The following XPO4 variants were observed in gnomAD, a reference collection of about 807,000 sequenced individuals.
The protein encoded by XPO4 is exportin-4.
A neutral mutation model predicts 143.0 loss-of-function variants in XPO4; 39 were observed. That is an observed-to-expected ratio of 0.27 (90% CI 0.21 to 0.36). XPO4 has a LOEUF of 0.36. Ranked by LOEUF, XPO4 falls within the 10% of genes least tolerant of loss-of-function variation. The pLI, the probability that XPO4 is intolerant of heterozygous loss-of-function variation, is 1.00. For missense variants in XPO4, 907 were observed against 1,348.0 expected (o/e 0.67, Z 5.12); for synonymous variants, 439 against 474.0 (o/e 0.93, Z 0.96).
intron 18 of XPO4, 98 bp downstream of exon 18, chr13:20,795,978 G>T: frequency 7.9e-7 from 1 of 1,273,064 alleles, no homozygotes; most frequent in Admixed American, 2.3e-5. Flanking sequence ...TCCATAAATT[G>T]AATTTCCTCA....
At position 20,787,466 on chromosome 13, in the gene XPO4, G is replaced by A. The variant is rs374950896; in HGVS notation, c.3165+15C>T. The A allele has an allele frequency of 1.8e-5, 29 of 1,609,148 alleles. No individual in the cohort carries two copies. Among genetic ancestry groups the A allele is most frequent in the Middle Eastern group, 1.6e-4 (1 of 6,078 alleles). On this transcript the variant is annotated intron_variant, in intron 21 of 22. Coordinates refer to ENST00000255305, the MANE Select transcript of XPO4 (RefSeq NM_022459.5). ...AAAGTAGCTGATTTTCTGACCTACC[G>A]CACAGACATCTTACCTTAAGAAAGT...
intron 9 of XPO4, among the ~76,000 whole-genome samples, chr13:20,810,298 T>G (rs1188317765): frequency 2.0e-5 from 3 of 152,322 alleles, no homozygotes; most frequent in African/African-American, 7.2e-5. Context: ...AAAATGGTTT[T>G]AGAGAAACTG....
intron 4 of XPO4, among the ~76,000 whole-genome samples, chr13:20,844,660 C>T (rs2060012315): frequency 6.6e-6 from 1 of 152,188 alleles, no homozygotes; most frequent in East Asian, 1.9e-4. Flanking sequence ...TCATACCCAC[C>T]CACCAACTGC....
intron 2 of XPO4, among the ~76,000 whole-genome samples, chr13:20,867,018 C>T (rs1002324997): frequency 6.6e-6 from 1 of 152,142 alleles, no homozygotes; most frequent in Non-Finnish European, 1.5e-5. Flanking sequence ...TTTAACACAA[C>T]GGTTTTCTAA....
At chr13:20,873,979 T>C (rs1566619989) in intron 1 of XPO4, among the ~76,000 whole-genome samples, 2 of 152,204 alleles carry the variant, frequency 1.3e-5, no homozygotes, top group African/African-American at 2.4e-5. Context: ...TTCCCCTCTT[T>C]TACATCTGGA....
At chr13:20,880,253 G>A (rs889231381) in intron 1 of XPO4, among the ~76,000 whole-genome samples, 8 of 152,024 alleles carry the variant, frequency 5.3e-5, no homozygotes, top group African/African-American at 1.7e-4. Flanking sequence ...CCAAGATGGT[G>A]AAACCCCGTC....
At chr13:20,805,414 A>G (rs1473314139) in intron 13 of XPO4, among the ~76,000 whole-genome samples, 1 of 152,150 alleles carries the variant, frequency 6.6e-6, no homozygotes, top group Non-Finnish European at 1.5e-5. Flanking sequence ...CATCTCCTAA[A>G]AAATTCCACC....
intron 1 of XPO4, among the ~76,000 whole-genome samples, chr13:20,870,816 T>C (rs1566618295): frequency 6.6e-6 from 1 of 152,192 alleles, no homozygotes; most frequent in Non-Finnish European, 1.5e-5. Flanking sequence ...CTTTTTGTGT[T>C]TTTTGTCTGT....
At chr13:20,874,083 G>A (rs2060329205) in intron 1 of XPO4, among the ~76,000 whole-genome samples, 1 of 152,110 alleles carries the variant, frequency 6.6e-6, no homozygotes, top group South Asian at 2.1e-4. Context: ...TGACATTAAA[G>A]CCCATGCTTT....
At chr13:20,866,828 G>A (rs2138131141) in intron 2 of XPO4, among the ~76,000 whole-genome samples, 1 of 152,236 alleles carries the variant, frequency 6.6e-6, no homozygotes, top group East Asian at 1.9e-4. Flanking sequence ...AAAAAGGAAA[G>A]AATGGTATAA....
At chr13:20,872,558 T>C (rs372611553) in intron 1 of XPO4, among the ~76,000 whole-genome samples, 1 of 152,064 alleles carries the variant, frequency 6.6e-6, no homozygotes, top group Admixed American at 6.6e-5. Context: ...GATAGATACA[T>C]ACACAAGAAA....
At chr13:20,830,222 A>T (rs9506557) in intron 6 of XPO4, among the ~76,000 whole-genome samples, 55,526 of 151,988 alleles carry the variant, frequency 0.37, 11,600 homozygotes, top group Non-Finnish European at 0.48. Context: ...AATTCCTTAC[A>T]CGTGGCCACG....
chr13:20,811,865 C>G (rs887484668), intron 9 of XPO4, among the ~76,000 whole-genome samples: 1 of 152,130 alleles, frequency 6.6e-6, no homozygotes, highest in Admixed American at 6.5e-5. Context: ...ATGAAGGCCT[C>G]TTGGCCTTTC....
At chr13:20,891,049 G>A (rs1195493127) in intron 1 of XPO4, among the ~76,000 whole-genome samples, 1 of 149,118 alleles carries the variant, frequency 6.7e-6, no homozygotes, top group African/African-American at 2.5e-5. Context: ...TCCGAGAGGT[G>A]GAGGTTGCTG....
intron 16 of XPO4, among the ~76,000 whole-genome samples, chr13:20,797,939 CAGG>C (rs1275486323): frequency 4.6e-5 from 7 of 152,008 alleles, no homozygotes; most frequent in African/African-American, 1.7e-4. Flanking sequence ...CACTTGAGGT[CAGG>C]AGACCAGCCT....
At chr13:20,795,378 C>G (rs1444448296) in intron 18 of XPO4, among the ~76,000 whole-genome samples, 1 of 152,166 alleles carries the variant, frequency 6.6e-6, no homozygotes, top group Non-Finnish European at 1.5e-5. Flanking sequence ...TACTGATTGT[C>G]AGACACAATG....
At chr13:20,876,495 CAT>C (rs2060355010) in intron 1 of XPO4, among the ~76,000 whole-genome samples, 1 of 151,846 alleles carries the variant, frequency 6.6e-6, no homozygotes, top group East Asian at 1.9e-4. Context: ...TAAGGAAAAA[CAT>C]AAAAGTAGAC....
chr13:20,797,857 A>G (rs2059378655), intron 16 of XPO4, among the ~76,000 whole-genome samples: 1 of 152,186 alleles, frequency 6.6e-6, no homozygotes, highest in African/African-American at 2.4e-5. Flanking sequence ...AACTTATTTG[A>G]TAATAGAGTT....
chr13:20,858,948 A>G (rs1170685432), intron 3 of XPO4, among the ~76,000 whole-genome samples: 8 of 135,338 alleles, frequency 5.9e-5, no homozygotes, highest in Non-Finnish European at 8.0e-5. Flanking sequence ...ATATATATAT[A>G]TGTGAGCTAT....
Sources: allele counts gnomAD v4.1 joint callset (sites outside exome capture counted in the v4.1 genomes callset), GRCh38; gene constraint gnomAD v4.1.1; transcripts MANE v1.5; gene names NCBI Gene and HGNC (gene_info 2026-07-23, HGNC 2026-07-21).